DPP8: variants seen among roughly 807,000 people sequenced by gnomAD.
The protein encoded by DPP8 is dipeptidyl peptidase 8.
In DPP8, 31 loss-of-function variants were observed where a neutral mutation model predicts 107.5. That is an observed-to-expected ratio of 0.29 (90% CI 0.22 to 0.39). The LOEUF is 0.39. Ranked by LOEUF, DPP8 falls within the 10% of genes least tolerant of loss-of-function variation. The probability of loss-of-function intolerance (pLI) is 1.00; values close to 1 mark genes in which losing one functional copy is unlikely to be tolerated. For missense variants in DPP8, 842 were observed against 1,076.1 expected (o/e 0.78, Z 3.04); for synonymous variants, 381 against 356.6 (o/e 1.07, Z -0.77).
Position 65,466,610 on chromosome 15 carries a change from T to A in DPP8, c.1825+68A>T. The A allele has an allele frequency of 2.2e-6, 3 of 1,387,704 alleles. No homozygotes were observed. The South Asian group carries it at 3.6e-5, about 17-fold the overall frequency. 86.0% of individuals were successfully genotyped at this position (1,387,704 alleles called of 1,614,324 possible). On this transcript the variant is annotated intron_variant, in intron 14 of 19. Coordinates refer to ENST00000300141, the MANE Select transcript of DPP8 (RefSeq NM_130434.5). ...GACTTGTCCAGGAAATGTGAAAATA[T>A]GACACACGTTTAGTGTACTAATATA...
intron 2 of DPP8, 135 bp from the exon 3 acceptor site, chr15:65,507,490 G>T: frequency 1.8e-6 from 1 of 547,646 alleles, no homozygotes; most frequent in Non-Finnish European, 3.2e-6. Flanking sequence ...ATGTTAACAA[G>T]TAGAATGTGC....
At chr15:65,454,933 G>C (rs936527383) in intron 16 of DPP8, among the ~76,000 whole-genome samples, 1 of 152,090 alleles carries the variant, frequency 6.6e-6, no homozygotes, top group Non-Finnish European at 1.5e-5. Context: ...ATCTTCTGTT[G>C]CTAGCCTGTC....
At chr15:65,454,822 GC>G (rs1384171098) in intron 16 of DPP8, among the ~76,000 whole-genome samples, 3 of 151,640 alleles carry the variant, frequency 2.0e-5, no homozygotes, top group African/African-American at 7.3e-5. Context: ...ACCACACCCG[GC>G]CCCGTAGGTT....
At chr15:65,495,914 AC>A (rs1237685340) in intron 5 of DPP8, among the ~76,000 whole-genome samples, 6 of 152,112 alleles carry the variant, frequency 3.9e-5, no homozygotes, top group Non-Finnish European at 7.4e-5. Flanking sequence ...GAACAAAAAA[AC>A]AAACTTGAGA....
chr15:65,475,307 T>C, intron 11 of DPP8: 1 of 804,358 alleles, frequency 1.2e-6, no homozygotes, highest in South Asian at 1.5e-5. Context: ...CAGTGGTAGG[T>C]GGAAGTTGGG....
chr15:65,511,445 C>T (rs1007141529), intron 2 of DPP8, among the ~76,000 whole-genome samples: 6 of 151,456 alleles, frequency 4.0e-5, no homozygotes, highest in Admixed American at 2.0e-4. Context: ...AAAAATGAAT[C>T]GCAGCTTGAG....
chr15:65,493,481 G>A (rs1374190283), intron 5 of DPP8, among the ~76,000 whole-genome samples: 1 of 152,148 alleles, frequency 6.6e-6, no homozygotes, highest in Non-Finnish European at 1.5e-5. Context: ...TATTCCTGCA[G>A]TAAACTTATG....
chr15:65,481,949 C>T (rs150597555), intron 8 of DPP8, among the ~76,000 whole-genome samples: 6 of 149,700 alleles, frequency 4.0e-5, no homozygotes, highest in African/African-American at 1.5e-4. Flanking sequence ...GTCCCTAGTT[C>T]CCCATATTTC....
intron 19 of DPP8, among the ~76,000 whole-genome samples, chr15:65,448,588 C>T (rs1362095178): frequency 2.7e-5 from 4 of 146,096 alleles, no homozygotes; most frequent in Non-Finnish European, 4.5e-5. Flanking sequence ...AGTAGAATGG[C>T]GTGAACCCGG....
chr15:65,445,682 G>T lies in DPP8; in HGVS notation c.*1202C>A, dbSNP rs1022589023. On this transcript the variant is annotated 3_prime_UTR_variant, in exon 20 of 20. Transcript: ENST00000300141. ...TTTTAAAAGGATAAAGTTTAAATTTGTAAGATTTCTAAACCTAAGAGGAAA... is the reference window on the plus strand; with the variant it reads ...TTTTAAAAGGATAAAGTTTAAATTTTTAAGATTTCTAAACCTAAGAGGAAA... The T allele has an allele frequency of 6.6e-6, 1 of 152,436 alleles. No homozygotes were observed. Among genetic ancestry groups the T allele is most frequent in the South Asian group, 2.1e-4 (1 of 4,786 alleles). The allele number at this position is 152,436 out of a possible 1,614,324, so 9.4% of individuals were successfully genotyped here. A position where few individuals can be genotyped will look rare whatever the true frequency, so the allele number is the denominator to read the frequency against.
In DPP8 at chr15:65,443,737, A is replaced by G. The variant is rs769431193; in HGVS notation, c.*3147T>C. On this transcript the variant is annotated 3_prime_UTR_variant, in exon 20 of 20. Coordinates refer to ENST00000300141, the MANE Select transcript of DPP8 (RefSeq NM_130434.5). ...CCACAGATGAGCAGCTTCATGGACT[A>G]CTGTTTAGGTTCTTGTGAATCAGTC... 8 of 152,264 alleles carry G rather than the reference A, an allele frequency of 5.3e-5. No individual in the cohort carries two copies. Among genetic ancestry groups the G allele is most frequent in the South Asian group, 4.1e-4 (2 of 4,826 alleles). The allele number at this position is 152,264 out of a possible 1,614,324, so 9.4% of individuals were successfully genotyped here. A position where few individuals can be genotyped will look rare whatever the true frequency, so the allele number is the denominator to read the frequency against.
At chr15:65,480,748 C>T (rs764020253) in intron 9 of DPP8, among the ~76,000 whole-genome samples, 9 of 152,036 alleles carry the variant, frequency 5.9e-5, no homozygotes, top group Non-Finnish European at 1.3e-4. Context: ...CAGTAAGCTA[C>T]GATCATGCCA....
intron 19 of DPP8, among the ~76,000 whole-genome samples, chr15:65,448,878 A>G (rs183128173): frequency 0.13 from 2,289 of 17,054 alleles, 192 homozygotes; most frequent in East Asian, 0.39. Context: ...ATATATATAT[A>G]TATATATATA....
intron 12 of DPP8, among the ~76,000 whole-genome samples, chr15:65,472,863 A>C (rs1175798060): frequency 6.6e-6 from 1 of 152,064 alleles, no homozygotes; most frequent in Non-Finnish European, 1.5e-5. Context: ...AACATGGCGG[A>C]ATCCCGTCTA....
chr15:65,510,579 T>C (rs903320324), intron 2 of DPP8, among the ~76,000 whole-genome samples: 1 of 151,930 alleles, frequency 6.6e-6, no homozygotes, highest in African/African-American at 2.4e-5. Flanking sequence ...CGCTCTGTCA[T>C]CCAGGCTGGA....
chr15:65,497,393 A>C (rs1298146203), intron 5 of DPP8, among the ~76,000 whole-genome samples: 1 of 152,034 alleles, frequency 6.6e-6, no homozygotes, highest in Non-Finnish European at 1.5e-5. Context: ...GGTAGTTGGG[A>C]CTACACATGC....
rs369443640 is a variant in DPP8 at position 65,483,125 on chromosome 15, C to CA, written c.1018-1511dup. ...AAAATAAATAAATAAAATAAAAAAA[C>CA]AAAAAAACACAATAGGATGGCTATA... On this transcript the variant is annotated intron_variant, in intron 8 of 19. Coordinates refer to ENST00000300141, the MANE Select transcript of DPP8 (RefSeq NM_130434.5). 7.5e-3 allele frequency among the ~76,000 whole-genome samples: 1,136 copies of CA among 151,438 alleles called. 14 individuals carry two copies. Among genetic ancestry groups the CA allele is most frequent in the African/African-American group, 0.026 (1,083 of 41,262 alleles).
At chr15:65,505,081 C>T (rs1244173199) in intron 3 of DPP8, among the ~76,000 whole-genome samples, 3 of 151,404 alleles carry the variant, frequency 2.0e-5, no homozygotes, top group African/African-American at 7.3e-5. Context: ...CAGGGCCGGG[C>T]GCGGTGGCTC....
chr15:65,478,465 G>A (rs377347511), intron 11 of DPP8, among the ~76,000 whole-genome samples: 3 of 152,140 alleles, frequency 2.0e-5, no homozygotes, highest in South Asian at 4.2e-4. Context: ...TCACCATGTT[G>A]GCCAGGCTGG....
Sources: allele counts gnomAD v4.1 joint callset (sites outside exome capture counted in the v4.1 genomes callset), GRCh38; gene constraint gnomAD v4.1.1; transcripts MANE v1.5; gene names NCBI Gene and HGNC (gene_info 2026-07-23, HGNC 2026-07-21).